PARD3: variants seen among roughly 807,000 people sequenced by gnomAD.
PARD3 encodes par-3 family cell polarity regulator.
A neutral mutation model predicts 155.4 loss-of-function variants in PARD3; 75 were observed. The observed-to-expected ratio is 0.48, with a 90% CI of 0.40 to 0.58. The LOEUF (loss-of-function observed/expected upper bound fraction) is 0.58. Ranked by LOEUF, PARD3 falls within the 20% of genes least tolerant of loss-of-function variation. The probability of loss-of-function intolerance (pLI) is 0.00; values close to 1 mark genes in which losing one functional copy is unlikely to be tolerated. For missense variants in PARD3, 1,642 were observed against 1,721.7 expected, an observed-to-expected ratio of 0.95 and a Z score of 0.82; for synonymous variants, 576 against 610.5, an observed-to-expected ratio of 0.94 and a Z score of 0.83.
At position 34,731,819 on chromosome 10, in the gene PARD3, T is replaced by G. The variant is rs116265940; in HGVS notation, c.121-35400A>C. Among the ~76,000 whole-genome samples, 1,435 of 152,250 alleles carry G rather than the reference T, an allele frequency of 9.4e-3. 21 individuals are homozygous for G. The highest frequency in any genetic ancestry group is 0.032 in the African/African-American group (1,317 of 41,528). ...TAAATCACAGGAAAGGCAAATGCTG[T>G]AATGAGTCTGCAAATATTTACAAGA... On this transcript the variant is annotated intron_variant, in intron 1 of 24. Transcript: ENST00000374788.
intron 2 of PARD3, among the ~76,000 whole-genome samples, chr10:34,622,246 A>T (rs1229607258): frequency 6.6e-6 from 1 of 152,336 alleles, no homozygotes; most frequent in East Asian, 1.9e-4. Flanking sequence ...ATCATCATTT[A>T]TTCTGAAGAA....
intron 2 of PARD3, among the ~76,000 whole-genome samples, chr10:34,615,923 C>T (rs1404346065): frequency 6.6e-6 from 1 of 152,014 alleles, no homozygotes; most frequent in Non-Finnish European, 1.5e-5. Flanking sequence ...ATAGCTGTTA[C>T]CAAAAAGACA....
rs550872865 is a variant in PARD3, at chr10:34,599,202, T to C, written c.223-82043A>G. Among the ~76,000 whole-genome samples the C allele has an allele frequency of 1.3e-4, 20 of 152,274 alleles. 1 individual carries two copies. The East Asian group carries it at 3.9e-3, about 29-fold the overall frequency. ...ACTCCATCATAACTCTTAGCGTAAG[T>C]ATGGCTTGGAATTTTCATCGCTGTC... On this transcript the variant is annotated intron_variant, in intron 2 of 24. Coordinates refer to ENST00000374788, the MANE Select transcript of PARD3 (RefSeq NM_001184785.2).
intron 3 of PARD3, among the ~76,000 whole-genome samples, chr10:34,512,252 G>T (rs2081443589): frequency 6.6e-6 from 1 of 152,216 alleles, no homozygotes; most frequent in African/African-American, 2.4e-5. Context: ...CAGAATAGAT[G>T]ACTTATTCCT....
At chr10:34,470,373 G>C in intron 3 of PARD3, 110 bp from the exon 4 acceptor site, 1 of 781,276 alleles carries the variant, frequency 1.3e-6, no homozygotes, top group Non-Finnish European at 1.9e-6. Flanking sequence ...TTACACTTTT[G>C]TAAAAGGGGA....
At chr10:34,391,136 C>T (rs1039145211) in intron 7 of PARD3, among the ~76,000 whole-genome samples, 2 of 152,148 alleles carry the variant, frequency 1.3e-5, no homozygotes, top group Non-Finnish European at 2.9e-5. Flanking sequence ...AAAATGCCCA[C>T]TTAACCCACC....
At chr10:34,499,551 A>C (rs1204212348) in intron 3 of PARD3, among the ~76,000 whole-genome samples, 1 of 142,758 alleles carries the variant, frequency 7.0e-6, no homozygotes, top group Non-Finnish European at 1.5e-5. Context: ...CCTCAGTGTA[A>C]AAAAAAAAAA....
chr10:34,511,093 T>A (rs532516236), intron 3 of PARD3, among the ~76,000 whole-genome samples: 1 of 152,334 alleles, frequency 6.6e-6, no homozygotes, highest in South Asian at 2.1e-4. Context: ...CCCCTGCAGT[T>A]GATTTTATTG....
At chr10:34,415,438 G>A (rs1056506366) in intron 5 of PARD3, among the ~76,000 whole-genome samples, 2 of 152,254 alleles carry the variant, frequency 1.3e-5, no homozygotes, top group East Asian at 1.9e-4. Flanking sequence ...CACTCTGAAT[G>A]ATACTCATAG....
intron 2 of PARD3, among the ~76,000 whole-genome samples, chr10:34,579,256 T>C (rs1422681425): frequency 3.5e-5 from 5 of 144,874 alleles, no homozygotes; most frequent in Admixed American, 6.9e-5. Context: ...GGCAACAGAG[T>C]GAGACTGGTC....
At chr10:34,370,377 G>T (rs1221267892) in intron 12 of PARD3, among the ~76,000 whole-genome samples, 2 of 152,120 alleles carry the variant, frequency 1.3e-5, no homozygotes, top group East Asian at 3.9e-4. Context: ...TCCCTCTGGT[G>T]ACTGAGGAAT....
chr10:34,186,476 C>T (rs1176583263), intron 22 of PARD3, among the ~76,000 whole-genome samples: 4 of 152,022 alleles, frequency 2.6e-5, no homozygotes, highest in South Asian at 4.2e-4. Flanking sequence ...CTAATGGTTC[C>T]GACCCTCAAT....
In PARD3 at chr10:34,206,866, G is replaced by T. The variant is rs958791340; in HGVS notation, c.3419+62791C>A. 4.6e-5 allele frequency among the ~76,000 whole-genome samples: 7 copies of T among 152,116 alleles called. No homozygotes were observed. The East Asian group carries it at 1.4e-3, about 29-fold the overall frequency. ...TTCTGTTTCAACCAGTCTTCAGTCT[G>T]GTCTGGAGTAAAGTCTCACCTCCTA... On this transcript the variant is annotated intron_variant, in intron 22 of 24. Transcript: ENST00000374788.
Position 34,322,437 on chromosome 10 carries a change from G to A in PARD3, c.2834-5099C>T, listed in dbSNP as rs1317142345. ...CTTATTGTTTGAGTTGGTCTGAGTTGCACTTTCTATTACATATAGCTGAAA... is the reference window on the plus strand; with the variant it reads ...CTTATTGTTTGAGTTGGTCTGAGTTACACTTTCTATTACATATAGCTGAAA... On this transcript the variant is annotated intron_variant, in intron 19 of 24. Coordinates refer to ENST00000374788, the MANE Select transcript of PARD3 (RefSeq NM_001184785.2). 6.6e-5 allele frequency among the ~76,000 whole-genome samples: 10 copies of A among 152,174 alleles called. No individual in the cohort carries two copies. In the East Asian group the frequency reaches 1.7e-3, roughly 26 times the overall value.
At chr10:34,261,506 T>C (rs887181720) in intron 22 of PARD3, among the ~76,000 whole-genome samples, 3 of 151,844 alleles carry the variant, frequency 2.0e-5, no homozygotes, top group African/African-American at 7.3e-5. Flanking sequence ...CTGGCCAACA[T>C]GGTGAACCCC....
chr10:34,346,192 C>T, intron 15 of PARD3: 1 of 1,121,522 alleles, frequency 8.9e-7, no homozygotes. Context: ...ACAATGTCAA[C>T]TATAATGCAA....
chr10:34,555,899 T>C (rs1452740667), intron 2 of PARD3, among the ~76,000 whole-genome samples: 1 of 152,166 alleles, frequency 6.6e-6, no homozygotes, highest in Non-Finnish European at 1.5e-5. Flanking sequence ...CCACCACTGA[T>C]GACATCAGGG....
At chr10:34,170,942 A>G (rs971591327) in intron 22 of PARD3, among the ~76,000 whole-genome samples, 1 of 152,170 alleles carries the variant, frequency 6.6e-6, no homozygotes, top group Non-Finnish European at 1.5e-5. Context: ...ATGCTCTTTC[A>G]TTTACCAATG....
At chr10:34,131,782 AT>A (rs1317540401) in intron 22 of PARD3, among the ~76,000 whole-genome samples, 199 bp from the exon 23 acceptor site, 1 of 151,952 alleles carries the variant, frequency 6.6e-6, no homozygotes, top group Non-Finnish European at 1.5e-5. Flanking sequence ...TTAGACAGAT[AT>A]TTGAGAGGGT....
Sources: allele counts gnomAD v4.1 joint callset (sites outside exome capture counted in the v4.1 genomes callset), GRCh38; gene constraint gnomAD v4.1.1; transcripts MANE v1.5; gene names NCBI Gene and HGNC (gene_info 2026-07-23, HGNC 2026-07-21).